KLRG1: variants seen among roughly 807,000 people sequenced by gnomAD.
KLRG1 encodes killer cell lectin like receptor G1.
Under a neutral mutation model 21.8 loss-of-function variants are expected in KLRG1, and 16 were observed. That is an observed-to-expected ratio of 0.73 (90% CI 0.50 to 1.11). KLRG1 has a LOEUF of 1.11. Ranked by LOEUF, KLRG1 falls within the 50% of genes most tolerant of loss-of-function variation. KLRG1 has a pLI of 0.00. For synonymous variants in KLRG1, 69 were observed against 75.9 expected (o/e 0.91, Z 0.47); for missense variants, 173 against 218.3 (o/e 0.79, Z 1.31).
At chr12:9,162,909 C>A in the KLRG1 span, among the ~76,000 whole-genome samples, 11,717 of 152,222 alleles carry the variant, frequency 0.077, 548 homozygotes, top group African/African-American at 0.14. Flanking sequence ...ACTAGCTATT[C>A]TTCCTGATGC....
the KLRG1 span, among the ~76,000 whole-genome samples, chr12:9,102,970 T>C: frequency 6.6e-6 from 1 of 152,292 alleles, no homozygotes; most frequent in Non-Finnish European, 1.5e-5. Context: ...ATGTAATATA[T>C]ATTAAATATG....
chr12:9,138,333 T>A, the KLRG1 span, among the ~76,000 whole-genome samples: 1 of 152,056 alleles, frequency 6.6e-6, no homozygotes, highest in Admixed American at 6.5e-5. Flanking sequence ...TACTGAACCA[T>A]CCTTGCATCC....
chr12:9,043,096 G>T, the KLRG1 span, among the ~76,000 whole-genome samples: 2 of 124,052 alleles, frequency 1.6e-5, no homozygotes, highest in African/African-American at 3.3e-5. Context: ...TTTTTTTTGA[G>T]ATGGAGTCTT....
chr12:9,101,026 C>T, the KLRG1 span: 1 of 905,446 alleles, frequency 1.1e-6, no homozygotes, highest in African/African-American at 1.7e-5. Flanking sequence ...TGTGACCAAA[C>T]ACCACCTGTT....
the KLRG1 span, chr12:9,066,784 C>G: frequency 6.6e-6 from 1 of 152,140 alleles, no homozygotes; most frequent in South Asian, 2.1e-4. Context: ...AAGTCTTTTC[C>G]AGTTCTTAGT....
At chr12:8,988,449 T>G (rs1376385506), upstream of KLRG1, 1 of 152,230 alleles carries the variant, frequency 6.6e-6, no homozygotes, top group Non-Finnish European at 1.5e-5. Flanking sequence ...AGAAATATAT[T>G]TGTTTTTATT....
At chr12:9,074,857 A>G in the KLRG1 span, 2 of 1,447,562 alleles carry the variant, frequency 1.4e-6, no homozygotes, top group Non-Finnish European at 9.4e-7. Flanking sequence ...TACCCAAGCC[A>G]GTGCTGAAAT....
the KLRG1 span, among the ~76,000 whole-genome samples, chr12:9,022,383 T>C: frequency 1.3e-5 from 2 of 152,182 alleles, no homozygotes; most frequent in African/African-American, 4.8e-5. Context: ...GGGAACACAG[T>C]GTATACATGG....
the KLRG1 span, chr12:9,115,521 T>C: frequency 2.5e-6 from 1 of 394,088 alleles, no homozygotes; most frequent in Non-Finnish European, 4.7e-6. Flanking sequence ...TTTATTCTTT[T>C]AAAAAGCTAA....
chr12:8,967,690 C>A (rs1472443554), intron 1 of KLRG1, among the ~76,000 whole-genome samples: 1 of 152,162 alleles, frequency 6.6e-6, no homozygotes, highest in East Asian at 1.9e-4. Context: ...CATGTATTTT[C>A]TGCACTGCAG....
the KLRG1 span, among the ~76,000 whole-genome samples, chr12:9,040,141 T>C: frequency 6.6e-6 from 1 of 152,192 alleles, no homozygotes; most frequent in Non-Finnish European, 1.5e-5. Flanking sequence ...AGTAGGATAG[T>C]GGTAAATTTG....
At chr12:9,199,751 G>C in the KLRG1 span, among the ~76,000 whole-genome samples, 1 of 152,026 alleles carries the variant, frequency 6.6e-6, no homozygotes, top group East Asian at 1.9e-4. Flanking sequence ...CTGTAGAGGA[G>C]GAAATGGGAC....
At chr12:9,036,160 AG>A in the KLRG1 span, among the ~76,000 whole-genome samples, 2 of 152,224 alleles carry the variant, frequency 1.3e-5, no homozygotes, top group Non-Finnish European at 2.9e-5. Flanking sequence ...TAACACAAAA[AG>A]GAAAAAGTTT....
chr12:9,028,929 G>A, the KLRG1 span: 3 of 632,718 alleles, frequency 4.7e-6, no homozygotes, highest in Non-Finnish European at 8.9e-6. Flanking sequence ...CAAAGCCCCT[G>A]CAACCTTGGT....
At chr12:9,213,480 A>G in the KLRG1 span, among the ~76,000 whole-genome samples, 2 of 152,112 alleles carry the variant, frequency 1.3e-5, no homozygotes, top group African/African-American at 2.4e-5. Flanking sequence ...CATTTTTGGC[A>G]ACATTTGTTA....
chr12:9,018,859 A>G, the KLRG1 span, among the ~76,000 whole-genome samples: 3 of 152,194 alleles, frequency 2.0e-5, no homozygotes, highest in Admixed American at 6.5e-5. Context: ...TCTCTAGGAC[A>G]TTGGTCTGAG....
the KLRG1 span, among the ~76,000 whole-genome samples, chr12:9,121,297 C>T: frequency 1.3e-5 from 2 of 152,134 alleles, no homozygotes; most frequent in Non-Finnish European, 2.9e-5. The surrounding 1 kb of genome is among the most constrained non-coding windows in gnomAD (Gnocchi z 4.4). Flanking sequence ...TCAAAAAGCA[C>T]TTTGGGAGAC....
the KLRG1 span, chr12:9,163,736 C>T: frequency 1.2e-6 from 2 of 1,613,856 alleles, no homozygotes; most frequent in South Asian, 2.2e-5. Flanking sequence ...ACCTCATTTC[C>T]ACAGAGTTCT....
chr12:9,020,605 T>C, the KLRG1 span, among the ~76,000 whole-genome samples: 1 of 152,222 alleles, frequency 6.6e-6, no homozygotes, highest in African/African-American at 2.4e-5. Context: ...TATTTTACTC[T>C]TTTTTATTGC....
Sources: gnomAD v4.1 joint callset for allele counts (sites outside exome capture counted in the v4.1 genomes callset) on GRCh38, gnomAD v4.1.1 for gene constraint, Gnocchi (gnomAD v3.1) non-coding constraint, MANE v1.5 for transcripts, NCBI Gene and HGNC (gene_info 2026-07-23, HGNC 2026-07-21) for gene names.